The following MLLT3 variants were observed in gnomAD, a reference collection of about 807,000 sequenced individuals.
MLLT3 encodes the protein MLLT3 super elongation complex subunit.
MLLT3 carries 4 observed loss-of-function variants against 53.2 expected under a neutral mutation model. The observed-to-expected ratio is 0.08, with a 90% CI of 0.04 to 0.17. MLLT3 has a LOEUF of 0.17. MLLT3 is among the 10% of genes least tolerant of loss of function. The pLI is 1.00. For missense variants in MLLT3, 569 were observed against 684.0 expected, an observed-to-expected ratio of 0.83 and a Z score of 1.87; for synonymous variants, 283 against 230.6, an observed-to-expected ratio of 1.23 and a Z score of -2.06.
chr9:20,568,278 C>T (rs944672753), intron 2 of MLLT3, among the ~76,000 whole-genome samples: 2 of 152,044 alleles, frequency 1.3e-5, no homozygotes, highest in African/African-American at 4.8e-5. Flanking sequence ...ATTATTGAGG[C>T]TGAGTACTGA....
intron 2 of MLLT3, among the ~76,000 whole-genome samples, chr9:20,512,803 A>G (rs1252293454): frequency 6.6e-6 from 1 of 152,230 alleles, no homozygotes; most frequent in Non-Finnish European, 1.5e-5. Context: ...AGCACAGTAC[A>G]TGACTAAACG....
chr9:20,474,664 T>C (rs1411586596), intron 2 of MLLT3, among the ~76,000 whole-genome samples: 1 of 151,872 alleles, frequency 6.6e-6, no homozygotes, highest in Non-Finnish European at 1.5e-5. Flanking sequence ...TAGTGCCCTA[T>C]AAGCAGTTTG....
chr9:20,430,614 G>T (rs1215387474), intron 4 of MLLT3, among the ~76,000 whole-genome samples: 1 of 152,040 alleles, frequency 6.6e-6, no homozygotes, highest in Non-Finnish European at 1.5e-5. Flanking sequence ...ATCAATTCCA[G>T]ATATTTGAAA....
intron 5 of MLLT3, among the ~76,000 whole-genome samples, chr9:20,366,736 C>T (rs1821462152): frequency 6.6e-6 from 1 of 152,186 alleles, no homozygotes; most frequent in Non-Finnish European, 1.5e-5. Context: ...GATCGCCATT[C>T]TAACTGGTGT....
chr9:20,408,192 G>C (rs1822632785), intron 5 of MLLT3, among the ~76,000 whole-genome samples: 1 of 151,794 alleles, frequency 6.6e-6, no homozygotes, highest in Non-Finnish European at 1.5e-5. Context: ...GGCTTCTAAG[G>C]AATTCCTTAA....
At chr9:20,569,530 G>A (rs1819473112) in intron 2 of MLLT3, among the ~76,000 whole-genome samples, 2 of 152,126 alleles carry the variant, frequency 1.3e-5, no homozygotes, top group Non-Finnish European at 2.9e-5. Flanking sequence ...TCTCAGAGCT[G>A]TTAGAAAGAC....
At chr9:20,582,510 T>A (rs948112381) in intron 2 of MLLT3, among the ~76,000 whole-genome samples, 1 of 152,220 alleles carries the variant, frequency 6.6e-6, no homozygotes, top group Admixed American at 6.5e-5. Context: ...CTTTTCAGAT[T>A]GGCTTCTTTC....
chr9:20,534,464 G>A (rs1818426693), intron 2 of MLLT3, among the ~76,000 whole-genome samples: 1 of 152,210 alleles, frequency 6.6e-6, no homozygotes, highest in South Asian at 2.1e-4. Context: ...ATGCAATCAT[G>A]TGAAAAGTTC....
At chr9:20,356,200 G>T in intron 8 of MLLT3, among the ~76,000 whole-genome samples, 1 of 152,222 alleles carries the variant, frequency 6.6e-6, no homozygotes, top group Non-Finnish European at 1.5e-5. Context: ...AATAATGCAC[G>T]AGTAAAAAGT....
In MLLT3 at chr9:20,581,174, A is replaced by AT. The variant is rs145741104; in HGVS notation, c.193+39479_193+39480insA. 6.7e-3 allele frequency among the ~76,000 whole-genome samples: 1,020 copies of AT among 152,326 alleles called. 18 individuals are homozygous for AT. Among genetic ancestry groups the AT allele is most frequent in the African/African-American group, 0.024 (989 of 41,572 alleles). Reference sequence around the variant, plus strand: ...AAACTCAATCTGTCTTAAATATAGCAAAGTTCAACAATTCAGACATTGCTG... The same window carrying AT: ...AAACTCAATCTGTCTTAAATATAGCATAAGTTCAACAATTCAGACATTGCTG... On this transcript the variant is annotated intron_variant, in intron 2 of 10. Transcript: ENST00000380338.
chr9:20,485,857 A>C (rs1824799582), intron 2 of MLLT3, among the ~76,000 whole-genome samples: 1 of 152,208 alleles, frequency 6.6e-6, no homozygotes, highest in Non-Finnish European at 1.5e-5. Context: ...AATAAGGTGA[A>C]ATTTTTACAC....
At chr9:20,370,028 A>G (rs1264356504) in intron 5 of MLLT3, among the ~76,000 whole-genome samples, 1 of 152,148 alleles carries the variant, frequency 6.6e-6, no homozygotes, top group Admixed American at 6.5e-5. Context: ...CCACCAAAAA[A>G]ATGTTTTACT....
intron 2 of MLLT3, among the ~76,000 whole-genome samples, chr9:20,615,360 GAAAAAAAAAAAAAAAAAA>G (rs10601830): frequency 7.2e-4 from 35 of 48,776 alleles, no homozygotes; most frequent in African/African-American, 2.2e-3. Context: ...CAGACCATGT[GAAAAAAAAAAAAAAAAAA>G]AAAAAAAAAA....
rs1563824197 is a variant in MLLT3 at position 20,572,667 on chromosome 9, G to A, written c.193+47987C>T. On this transcript the variant is annotated intron_variant, in intron 2 of 10. Transcript: ENST00000380338. ...AAATTAGCTGGATGTGATGGCAGGC[G>A]CCTGTAACCCCAGCTGCTTGGGAGG... Among the ~76,000 whole-genome samples, 4 of 152,080 alleles carry A rather than the reference G, an allele frequency of 2.6e-5. No homozygotes were observed. In the South Asian group the frequency reaches 6.2e-4, roughly 24 times the overall value.
intron 2 of MLLT3, among the ~76,000 whole-genome samples, chr9:20,519,130 T>C (rs924774815): frequency 3.3e-5 from 5 of 152,260 alleles, no homozygotes; most frequent in South Asian, 4.1e-4. Flanking sequence ...AAATAAATAT[T>C]TGCTAAATAC....
intron 5 of MLLT3, among the ~76,000 whole-genome samples, chr9:20,367,616 G>C (rs1286067285): frequency 6.6e-6 from 1 of 152,000 alleles, no homozygotes; most frequent in East Asian, 1.9e-4. Flanking sequence ...CATATTTAAG[G>C]CTAAATTTAT....
chr9:20,495,000 T>C (rs970090278), intron 2 of MLLT3, among the ~76,000 whole-genome samples: 1 of 152,144 alleles, frequency 6.6e-6, no homozygotes. Flanking sequence ...CCCACTTTCA[T>C]AAATTAAAAA....
In MLLT3 at chr9:20,346,483, C is replaced by T. The variant is rs781232849; in HGVS notation, c.1667G>A (p.Arg556His). The change falls in exon 11 of 11, where the codon CGT becomes CAT. Residue 556 changes from arginine to histidine, a missense_variant. Arg to His is a conservative substitution (Grantham distance 29). This residue lies in a region of MLLT3 where 45 missense variants were observed against 85.5 expected (regional missense o/e 0.53). Transcript: ENST00000380338. The part of the protein sequence containing the change: ...DLCSLDKTTV[R>H]KLQSYLETSG... ...TGTTTCCAGGTAACTCTGTAGTTTA[C>T]GGACTGTGGTTTTGTCCAGCGAGCA... is the stretch of plus-strand genomic sequence containing the variant. 6.2e-7 allele frequency: 1 copy of T among 1,612,332 alleles called. No individual in the cohort carries two copies. The highest frequency in any genetic ancestry group is 8.5e-7 in the Non-Finnish European group (1 of 1,179,362).
At chr9:20,559,625 C>T (rs1288658704) in intron 2 of MLLT3, among the ~76,000 whole-genome samples, 1 of 152,164 alleles carries the variant, frequency 6.6e-6, no homozygotes, top group East Asian at 1.9e-4. Flanking sequence ...GAGCCTTTGG[C>T]CAAATCACTT....
Sources: gnomAD v4.1 joint callset for allele counts (sites outside exome capture counted in the v4.1 genomes callset) on GRCh38, gnomAD v4.1.1 for gene constraint, gnomAD v4.1.1 regional missense constraint, MANE v1.5 for transcripts, NCBI Gene and HGNC (gene_info 2026-07-23, HGNC 2026-07-21) for gene names.